Variants in MCHR2 observed in about 807,000 individuals in gnomAD.
MCHR2 encodes melanin concentrating hormone receptor 2, also known as melanin-concentrating hormone receptor 2.
A neutral mutation model predicts 24.8 loss-of-function variants in MCHR2; 15 were observed. The observed-to-expected ratio is 0.60, with a 90% CI of 0.40 to 0.93. The LOEUF is 0.93. MCHR2 is among the 40% of genes least tolerant of loss of function. MCHR2 has a pLI of 0.00. For synonymous variants in MCHR2, 151 were observed against 147.6 expected (o/e 1.02, Z -0.17); for missense variants, 386 against 408.7 (o/e 0.94, Z 0.48).
chr6:99,952,031 T>C (rs560726282), intron 2 of MCHR2, among the ~76,000 whole-genome samples: 1 of 152,202 alleles, frequency 6.6e-6, no homozygotes, highest in African/African-American at 2.4e-5. Context: ...AGAAGGTAGA[T>C]GTGGGGGTCT....
intron 1 of MCHR2, among the ~76,000 whole-genome samples, chr6:99,990,933 C>T (rs1212526618): frequency 1.4e-5 from 2 of 147,782 alleles, no homozygotes; most frequent in Non-Finnish European, 3.0e-5. Flanking sequence ...GGAGCCACAT[C>T]TAGTATGTCC....
intron 3 of MCHR2, among the ~76,000 whole-genome samples, chr6:99,945,809 G>A (rs1225806738): frequency 6.6e-6 from 1 of 152,038 alleles, no homozygotes; most frequent in African/African-American, 2.4e-5. Context: ...TCTTAAATGT[G>A]AAATGAAATT....
chr6:99,977,251 G>A (rs916523061), intron 1 of MCHR2, among the ~76,000 whole-genome samples: 11 of 152,272 alleles, frequency 7.2e-5, no homozygotes, highest in African/African-American at 1.4e-4. Context: ...AGCTGGAAGC[G>A]AATGTTCTTT....
chr6:99,924,077 A>G (rs534913381), intron 5 of MCHR2, among the ~76,000 whole-genome samples: 3 of 152,032 alleles, frequency 2.0e-5, no homozygotes, highest in Admixed American at 6.6e-5. Context: ...TATGGCTTTG[A>G]TCTTGTTACT....
At chr6:99,959,140 A>G (rs1470510530) in intron 1 of MCHR2, among the ~76,000 whole-genome samples, 2 of 152,088 alleles carry the variant, frequency 1.3e-5, no homozygotes, top group Admixed American at 6.6e-5. Context: ...ATGAGACCTC[A>G]TGTACTCTGG....
Position 99,986,424 on chromosome 6 carries a change from T to C in MCHR2, c.-28+7512A>G, listed in dbSNP as rs145029055. Among the ~76,000 whole-genome samples the C allele has an allele frequency of 2.9e-3, 436 of 152,270 alleles. 1 individual carries two copies. Among genetic ancestry groups the C allele is most frequent in the African/African-American group, 0.01 (425 of 41,580 alleles). On this transcript the variant is annotated intron_variant, in intron 1 of 5. Transcript: ENST00000281806. ...CAAAGTCATGCAGTCAACCTAAGTG[T>C]CCATCAACTGATGAGCAGATAAAGA...
chr6:99,941,613 CA>C (rs1439884127), intron 4 of MCHR2, among the ~76,000 whole-genome samples: 1 of 152,054 alleles, frequency 6.6e-6, no homozygotes, highest in East Asian at 1.9e-4. Context: ...AGAAGAGACA[CA>C]AGAGAGCTTG....
rs576418795 is a variant in MCHR2 at position 99,918,752 on chromosome 6, A to G, written c.*2188T>C. ...AATCTGCATATAAATATGCTTATGC[A>G]TAGAAACGCTATATAAAGGGACAAA... On this transcript the variant is annotated 3_prime_UTR_variant, in exon 6 of 6. Coordinates refer to ENST00000281806, the MANE Select transcript of MCHR2 (RefSeq NM_001040179.2). Among the ~76,000 whole-genome samples the G allele has an allele frequency of 2.6e-5, 4 of 152,352 alleles. No homozygotes were observed. Among genetic ancestry groups the G allele is most frequent in the African/African-American group, 7.2e-5 (3 of 41,590 alleles).
chr6:99,943,222 G>T, intron 3 of MCHR2, 79 bp from the exon 4 acceptor site: 1 of 1,130,978 alleles, frequency 8.8e-7, no homozygotes, highest in Non-Finnish European at 1.2e-6. Context: ...CATGATGAGA[G>T]TAAATTCTTA....
rs142091512 is a variant in MCHR2 at position 99,936,594 on chromosome 6, T to C, written c.588-2077A>G. On this transcript the variant is annotated intron_variant, in intron 4 of 5. Coordinates refer to ENST00000281806, the MANE Select transcript of MCHR2 (RefSeq NM_001040179.2). ...ACCATGCTGCTTTGGTTACTATAGC[T>C]TTCTAGTAAATTTTGAAGTCGGGTA... Among the ~76,000 whole-genome samples the C allele has an allele frequency of 6.8e-3, 1,037 of 152,068 alleles. 7 individuals carry two copies. Among genetic ancestry groups the C allele is most frequent in the Non-Finnish European group, 9.0e-3 (608 of 67,848 alleles).
chr6:99,943,485 C>A (rs1191650893), intron 3 of MCHR2, among the ~76,000 whole-genome samples: 1 of 151,654 alleles, frequency 6.6e-6, no homozygotes, highest in Admixed American at 6.6e-5. Context: ...TCCCTCTCCC[C>A]TCCCCCAACC....
rs1023848081 is a variant in MCHR2, at chr6:99,924,429, G to T, written c.708-3174C>A. On this transcript the variant is annotated intron_variant, in intron 5 of 5. Coordinates refer to ENST00000281806, the MANE Select transcript of MCHR2 (RefSeq NM_001040179.2). ...ATTCATTTCTGCTGTGATCTTTATT[G>T]TTTCTTTCTTCTAATTTTGGGTTTG... is the stretch of plus-strand genomic sequence containing the variant. Among the ~76,000 whole-genome samples the T allele has an allele frequency of 5.9e-5, 9 of 151,626 alleles. No individual in the cohort carries two copies. In the East Asian group the frequency reaches 1.7e-3, roughly 29 times the overall value.
chr6:99,952,616 T>G (rs1342794522), intron 2 of MCHR2, among the ~76,000 whole-genome samples: 1 of 152,128 alleles, frequency 6.6e-6, no homozygotes. Flanking sequence ...AAATAAAAGA[T>G]CATGGCAAAG....
At chr6:99,926,472 T>C (rs901667288) in intron 5 of MCHR2, among the ~76,000 whole-genome samples, 13 of 133,732 alleles carry the variant, frequency 9.7e-5, no homozygotes, top group Non-Finnish European at 1.7e-4. Context: ...GTGTTCCTAT[T>C]TCTCCACATC....
At chr6:99,931,368 G>T (rs1022955992) in intron 5 of MCHR2, among the ~76,000 whole-genome samples, 3 of 152,194 alleles carry the variant, frequency 2.0e-5, no homozygotes, top group African/African-American at 7.2e-5. Flanking sequence ...TGTCTTCAAA[G>T]CTGTCAGACA....
intron 1 of MCHR2, among the ~76,000 whole-genome samples, chr6:99,966,534 C>A (rs1364171224): frequency 6.6e-6 from 1 of 152,130 alleles, no homozygotes; most frequent in Non-Finnish European, 1.5e-5. Flanking sequence ...AGGTAGCAGC[C>A]TGCCTTCCCT....
intron 1 of MCHR2, among the ~76,000 whole-genome samples, chr6:99,976,109 C>G (rs1314740828): frequency 2.0e-5 from 3 of 152,124 alleles, no homozygotes; most frequent in Non-Finnish European, 4.4e-5. Flanking sequence ...AAAGATATGA[C>G]AGCACATTAC....
intron 1 of MCHR2, among the ~76,000 whole-genome samples, chr6:99,972,042 C>G (rs1043224121): frequency 2.0e-5 from 3 of 152,154 alleles, no homozygotes; most frequent in African/African-American, 7.2e-5. Flanking sequence ...TGTATCTCTG[C>G]CAGGCTTTGG....
chr6:99,978,878 T>C (rs1051415281), intron 1 of MCHR2, among the ~76,000 whole-genome samples: 15 of 152,146 alleles, frequency 9.9e-5, no homozygotes, highest in African/African-American at 3.1e-4. Flanking sequence ...TTTAATTAGA[T>C]GGTCCTGTTC....
Sources: allele counts gnomAD v4.1 joint callset (sites outside exome capture counted in the v4.1 genomes callset), GRCh38; gene constraint gnomAD v4.1.1; transcripts MANE v1.5; gene names NCBI Gene and HGNC (gene_info 2026-07-23, HGNC 2026-07-21).